Variants in VPS13B observed in about 807,000 individuals in gnomAD.
VPS13B encodes vacuolar protein sorting 13 homolog B.
A neutral mutation model predicts 426.4 loss-of-function variants in VPS13B; 285 were observed. The observed-to-expected ratio is 0.67, with a 90% CI of 0.61 to 0.74. The LOEUF (loss-of-function observed/expected upper bound fraction) is 0.74, where lower values mean the gene tolerates loss of function less well. Ranked by LOEUF, VPS13B falls within the 30% of genes least tolerant of loss-of-function variation. VPS13B has a pLI of 0.00. For missense variants in VPS13B, 4,537 were observed against 4,782.6 expected (o/e 0.95, Z 1.51); for synonymous variants, 1,676 against 1,676.4 (o/e 1.00, Z 0.01).
chr8:99,813,776 T>C (rs1813863038), intron 44 of VPS13B, among the ~76,000 whole-genome samples: 2 of 152,320 alleles, frequency 1.3e-5, no homozygotes, highest in African/African-American at 4.8e-5. Flanking sequence ...ATTCAAATAA[T>C]GCAAATTAAA....
chr8:99,110,885 A>G (rs1376097664), intron 5 of VPS13B, among the ~76,000 whole-genome samples: 1 of 151,956 alleles, frequency 6.6e-6, no homozygotes, highest in Non-Finnish European at 1.5e-5. Context: ...TAAAATGGGG[A>G]GAATTGTGCC....
chr8:99,376,612 A>C (rs945556788), intron 19 of VPS13B, among the ~76,000 whole-genome samples: 1 of 152,140 alleles, frequency 6.6e-6, no homozygotes, highest in African/African-American at 2.4e-5. Flanking sequence ...TAAAATCTCA[A>C]ATAAAATGGT....
chr8:99,188,884 T>G (rs1208939207), intron 16 of VPS13B, among the ~76,000 whole-genome samples: 1 of 152,206 alleles, frequency 6.6e-6, no homozygotes, highest in Admixed American at 6.5e-5. Context: ...AAGTGTCTTT[T>G]CAGGTCCTAT....
intron 13 of VPS13B, among the ~76,000 whole-genome samples, chr8:99,145,808 T>C (rs1810683330): frequency 6.6e-6 from 1 of 152,232 alleles, no homozygotes; most frequent in African/African-American, 2.4e-5. Context: ...GTGTAAACAT[T>C]TCTTCAGGAT....
intron 14 of VPS13B, among the ~76,000 whole-genome samples, chr8:99,149,265 A>T (rs1810921080): frequency 6.6e-6 from 1 of 152,236 alleles, no homozygotes; most frequent in Non-Finnish European, 1.5e-5. Context: ...TTTATGGTCC[A>T]TATACAATGT....
chr8:99,472,951 A>G (rs909589888), intron 24 of VPS13B, among the ~76,000 whole-genome samples: 6 of 152,098 alleles, frequency 3.9e-5, no homozygotes, highest in Non-Finnish European at 8.8e-5. Flanking sequence ...ATTCCATCAA[A>G]GTTGACACAA....
At chr8:99,460,649 G>A (rs968361279) in intron 23 of VPS13B, among the ~76,000 whole-genome samples, 17 of 152,160 alleles carry the variant, frequency 1.1e-4, no homozygotes, top group African/African-American at 3.9e-4. Flanking sequence ...TAATCTGAGT[G>A]CCTGTTTACG....
rs1308048746 is a variant in VPS13B at position 99,551,972 on chromosome 8, TTCTG to T, written c.4746-4474_4746-4471del. Among the ~76,000 whole-genome samples, 13 of 151,986 alleles carry T rather than the reference TTCTG, an allele frequency of 8.6e-5. No homozygotes were observed. The East Asian group carries it at 1.2e-3, about 14-fold the overall frequency. On this transcript the variant is annotated intron_variant, in intron 30 of 61. Transcript: ENST00000357162. ...CTCTTCAAATATTGCCTCCTCCTTGTTCTGTCTATTACCTCCCTCAAGCTTTAAT... is the reference window on the plus strand; with the variant it reads ...CTCTTCAAATATTGCCTCCTCCTTGTTCTATTACCTCCCTCAAGCTTTAAT...
At chr8:99,172,466 T>C (rs1588112123) in intron 16 of VPS13B, among the ~76,000 whole-genome samples, 1 of 152,150 alleles carries the variant, frequency 6.6e-6, no homozygotes, top group Non-Finnish European at 1.5e-5. Flanking sequence ...ATAAACTCTT[T>C]CTAATTTTCA....
chr8:99,199,578 A>G (rs1165027581), intron 17 of VPS13B, among the ~76,000 whole-genome samples: 2 of 152,158 alleles, frequency 1.3e-5, no homozygotes, highest in African/African-American at 4.8e-5. Context: ...TATTATTGAT[A>G]GTTACCTACC....
At chr8:99,739,919 C>G (rs1809606686) in intron 39 of VPS13B, among the ~76,000 whole-genome samples, 1 of 152,202 alleles carries the variant, frequency 6.6e-6, no homozygotes, top group Admixed American at 6.5e-5. Context: ...GAGCACCACT[C>G]CTCCTCCAAA....
At chr8:99,430,401 T>C (rs948507424) in intron 21 of VPS13B, among the ~76,000 whole-genome samples, 1 of 152,172 alleles carries the variant, frequency 6.6e-6, no homozygotes, top group Non-Finnish European at 1.5e-5. Flanking sequence ...TTTATGCTAC[T>C]TTATAAGTAC....
At position 99,853,436 on chromosome 8, in the gene VPS13B, C is replaced by T. The variant is rs749085359; in HGVS notation, c.10062-15C>T. 2.5e-6 allele frequency: 4 copies of T among 1,613,788 alleles called. No homozygotes were observed. In the East Asian group the frequency reaches 8.9e-5, roughly 36 times the overall value. ...TGAGTGGGGGGACTAATGTTCTTGT[C>T]CCTTTCTCCTCTAGAGCGCCAGAGA... On this transcript the variant is annotated splice_polypyrimidine_tract_variant and intron_variant, in intron 55 of 61. Coordinates refer to ENST00000357162, the MANE Select transcript of VPS13B (RefSeq NM_152564.5).
At chr8:99,180,495 G>C (rs1812891214) in intron 16 of VPS13B, among the ~76,000 whole-genome samples, 1 of 152,132 alleles carries the variant, frequency 6.6e-6, no homozygotes, top group African/African-American at 2.4e-5. Context: ...TTCAGATAAT[G>C]GTGAGTAATA....
intron 43 of VPS13B, among the ~76,000 whole-genome samples, chr8:99,803,116 C>T (rs934157383): frequency 2.8e-4 from 42 of 152,158 alleles, no homozygotes; most frequent in African/African-American, 9.7e-4. Flanking sequence ...TCTTTACACA[C>T]ATCTGTAATT....
chr8:99,086,186 C>A (rs1845777363), intron 3 of VPS13B, among the ~76,000 whole-genome samples: 1 of 152,138 alleles, frequency 6.6e-6, no homozygotes, highest in African/African-American at 2.4e-5. Flanking sequence ...CTAAACTTCT[C>A]TTCTGGCTTC....
At chr8:99,175,519 C>A (rs977057217) in intron 16 of VPS13B, among the ~76,000 whole-genome samples, 1 of 152,142 alleles carries the variant, frequency 6.6e-6, no homozygotes, top group East Asian at 1.9e-4. Context: ...TGGTGGCTCA[C>A]GCCTCTAATT....
At chr8:99,733,439 T>C (rs1419193263) in intron 39 of VPS13B, among the ~76,000 whole-genome samples, 1 of 152,242 alleles carries the variant, frequency 6.6e-6, no homozygotes, top group African/African-American at 2.4e-5. Context: ...TCATAGCTCA[T>C]GCCTCATTCA....
In VPS13B at chr8:99,515,672, G is replaced by GT. The variant is rs142089794; in HGVS notation, c.4633+4169dup. On this transcript the variant is annotated intron_variant, in intron 29 of 61. Coordinates refer to ENST00000357162, the MANE Select transcript of VPS13B (RefSeq NM_152564.5). ...TAGCAACAAACAACTTTTTAGTGGT[G>GT]TTTTTTTTTGTGGCTTGGATGTATG... Among the ~76,000 whole-genome samples, 123 of 150,294 alleles carry GT rather than the reference G, an allele frequency of 8.2e-4. 2 individuals carry two copies. Among genetic ancestry groups the GT allele is most frequent in the Middle Eastern group, 3.4e-3 (1 of 292 alleles).
Sources: gnomAD v4.1 joint callset for allele counts (sites outside exome capture counted in the v4.1 genomes callset) on GRCh38, gnomAD v4.1.1 for gene constraint, MANE v1.5 for transcripts, NCBI Gene and HGNC (gene_info 2026-07-23, HGNC 2026-07-21) for gene names.